The following NCBP1 variants were observed in gnomAD, a reference collection of about 807,000 sequenced individuals.
NCBP1 encodes the protein nuclear cap-binding protein subunit 1.
In NCBP1, 16 loss-of-function variants were observed where a neutral mutation model predicts 111.7. That is an observed-to-expected ratio of 0.14 (90% CI 0.10 to 0.22). The LOEUF (loss-of-function observed/expected upper bound fraction) is 0.22, where lower values mean the gene tolerates loss of function less well. Ranked by LOEUF, NCBP1 falls within the 10% of genes least tolerant of loss-of-function variation. The probability of loss-of-function intolerance (pLI) is 1.00; values close to 1 mark genes in which losing one functional copy is unlikely to be tolerated. For synonymous variants in NCBP1, 304 were observed against 314.3 expected (o/e 0.97, Z 0.35); for missense variants, 607 against 957.5 (o/e 0.63, Z 4.83).
At chr9:97,647,084 T>A (rs1473924440) in intron 6 of NCBP1, among the ~76,000 whole-genome samples, 1 of 152,158 alleles carries the variant, frequency 6.6e-6, no homozygotes, top group African/African-American at 2.4e-5. Flanking sequence ...ACGTTTAGGT[T>A]ATTTTCAATC....
chr9:97,670,339 C>T (rs1828151648), intron 22 of NCBP1, among the ~76,000 whole-genome samples: 1 of 152,194 alleles, frequency 6.6e-6, no homozygotes, highest in South Asian at 2.1e-4. Flanking sequence ...ATCCAATGTG[C>T]AGGTGGTAAA....
intron 2 of NCBP1, 132 bp downstream of exon 2, chr9:97,641,014 A>G: frequency 1.6e-6 from 1 of 607,764 alleles, no homozygotes; most frequent in East Asian, 3.0e-5. Flanking sequence ...TGTATCCCAA[A>G]TTGAATCCAT....
intron 6 of NCBP1, among the ~76,000 whole-genome samples, chr9:97,646,839 C>CAAAAAAAAAA (rs1199961668): frequency 1.8e-5 from 1 of 55,730 alleles, no homozygotes; most frequent in Non-Finnish European, 4.5e-5. Context: ...GACTCCGTCT[C>CAAAAAAAAAA]AAAAAAAAAA....
intron 12 of NCBP1, 92 bp from the exon 13 acceptor site, chr9:97,655,610 G>T (rs1412024995): frequency 3.8e-5 from 37 of 981,068 alleles, no homozygotes; most frequent in Non-Finnish European, 5.7e-5. Context: ...TGTAAAGTCG[G>T]GTTTTATCTG....
Position 97,645,213 on chromosome 9 carries a change from GA to G in NCBP1, c.479del (p.Asp160ValfsTer70), listed in dbSNP as rs1310453304. On this transcript the variant is annotated frameshift_variant, in exon 5 of 23. Transcript: ENST00000375147. LOFTEE classifies it high-confidence loss of function. ...ENFVSVTQEE[D>X]VPQVRRDWYV... ...TTTTGTAAGCGTAACTCAGGAAGAAGATGTACCTCAGGTAAGAGAACCCCTC... is the reference window on the plus strand; with the variant it reads ...TTTTGTAAGCGTAACTCAGGAAGAAGTGTACCTCAGGTAAGAGAACCCCTC... The G allele has an allele frequency of 6.2e-7, 1 of 1,611,924 alleles. No individual in the cohort carries two copies. The highest frequency in any genetic ancestry group is 2.2e-5 in the East Asian group (1 of 44,812).
Position 97,657,885 on chromosome 9 carries a change from G to GCTCTCTCTCTCTCT in NCBP1, c.1374-746_1374-733dup, listed in dbSNP as rs3052096. Reference sequence around the variant, plus strand: ...GTATGTACATGAGGAGCCCCGGTAAGCTCTCTCTCTCTCTCTCTCTCTATA... The same window carrying GCTCTCTCTCTCTCT: ...GTATGTACATGAGGAGCCCCGGTAAGCTCTCTCTCTCTCTCTCTCTCTCTCTCTCTCTCTCTATA... On this transcript the variant is annotated intron_variant, in intron 14 of 22. Coordinates refer to ENST00000375147, the MANE Select transcript of NCBP1 (RefSeq NM_002486.5). Among the ~76,000 whole-genome samples, 438 of 113,776 alleles carry GCTCTCTCTCTCTCT rather than the reference G, an allele frequency of 3.8e-3. 3 individuals carry two copies. Among genetic ancestry groups the GCTCTCTCTCTCTCT allele is most frequent in the African/African-American group, 0.015 (413 of 27,242 alleles). The allele number at this position is 113,776 out of a possible 152,430, so 74.6% of individuals were successfully genotyped here.
chr9:97,645,451 T>G (rs1827308053), intron 5 of NCBP1, among the ~76,000 whole-genome samples, 160 bp from the exon 6 acceptor site: 2 of 152,214 alleles, frequency 1.3e-5, no homozygotes, highest in African/African-American at 4.8e-5. Context: ...TGCTGTCTAG[T>G]AAGATTAGAA....
intron 1 of NCBP1, among the ~76,000 whole-genome samples, chr9:97,634,302 A>G (rs1337625883): frequency 3.9e-5 from 6 of 152,194 alleles, no homozygotes. Flanking sequence ...TGCACCTGAA[A>G]AGGGCTCGGA....
chr9:97,662,210 G>A (rs1827860093), intron 17 of NCBP1, 66 bp downstream of exon 17: 2 of 1,165,504 alleles, frequency 1.7e-6, no homozygotes, highest in Admixed American at 3.5e-5. Flanking sequence ...CAGTGGTATG[G>A]TAATTTTTAC....
Position 97,658,627 on chromosome 9 carries a change from A to G in NCBP1, c.1374-13A>G, listed in dbSNP as rs759430225. On this transcript the variant is annotated splice_polypyrimidine_tract_variant and intron_variant, in intron 14 of 22. Transcript: ENST00000375147. ...ATAAAAGATATTTTCTGAGGCTGTT[A>G]TTTGTATTGTAGGTTGTCTTACCAT... is the stretch of plus-strand genomic sequence containing the variant. 1.3e-6 allele frequency: 2 copies of G among 1,572,278 alleles called. No homozygotes were observed. The highest frequency in any genetic ancestry group is 1.8e-6 in the Non-Finnish European group (2 of 1,142,660).
rs1300585026 is a variant in NCBP1, at chr9:97,633,835, G to T, written c.-47G>T. On this transcript the variant is annotated 5_prime_UTR_variant, in exon 1 of 23. Coordinates refer to ENST00000375147, the MANE Select transcript of NCBP1 (RefSeq NM_002486.5). The stretch of plus-strand genomic sequence containing the variant: ...GGCCAGCGGCCAGACAGTTCCTGCA[G>T]CGCTTACCGCCTGGCCTCTCGGTTC... The T allele has an allele frequency of 1.3e-6, 2 of 1,557,118 alleles. No homozygotes were observed. The highest frequency in any genetic ancestry group is 1.4e-5 in the African/African-American group (1 of 73,494).
rs1011164264 is a variant in NCBP1, at chr9:97,673,645, A to G, written c.*2446A>G. On this transcript the variant is annotated 3_prime_UTR_variant, in exon 23 of 23. Coordinates refer to ENST00000375147, the MANE Select transcript of NCBP1 (RefSeq NM_002486.5). Reference sequence around the variant, plus strand: ...CAACAGTTGCTGTCCCCAGTAATGAAGTTCATACAGACAAAAGATGGCATG... The same window carrying G: ...CAACAGTTGCTGTCCCCAGTAATGAGGTTCATACAGACAAAAGATGGCATG... The G allele has an allele frequency of 4.1e-4, 62 of 152,230 alleles. No individual in the cohort carries two copies. The highest frequency in any genetic ancestry group is 1.4e-3 in the African/African-American group (56 of 41,448). 9.4% of individuals were successfully genotyped at this position (152,230 alleles called of 1,614,324 possible). A position where few individuals can be genotyped will look rare whatever the true frequency, so the allele number is the denominator to read the frequency against.
chr9:97,648,526 C>T (rs895313572), intron 8 of NCBP1, among the ~76,000 whole-genome samples: 3 of 152,046 alleles, frequency 2.0e-5, no homozygotes, highest in Non-Finnish European at 4.4e-5. Flanking sequence ...CAAATACTAG[C>T]TGTGTTAATT....
intron 16 of NCBP1, among the ~76,000 whole-genome samples, chr9:97,661,600 A>G (rs1827835767): frequency 6.6e-6 from 1 of 152,184 alleles, no homozygotes; most frequent in African/African-American, 2.4e-5. Context: ...GGTATTTATT[A>G]CTGGGATTTT....
intron 19 of NCBP1, among the ~76,000 whole-genome samples, chr9:97,665,218 C>T (rs766713561): frequency 2.6e-5 from 4 of 152,186 alleles, no homozygotes; most frequent in Non-Finnish European, 2.9e-5. Context: ...GTTGTCATAC[C>T]GGCCAGGTTG....
chr9:97,658,470 T>G (rs756061870), intron 14 of NCBP1, among the ~76,000 whole-genome samples, 170 bp from the exon 15 acceptor site: 5 of 152,182 alleles, frequency 3.3e-5, no homozygotes, highest in Admixed American at 2.6e-4. Context: ...ATGCCTGAGA[T>G]TTGGTGTGCT....
intron 1 of NCBP1, among the ~76,000 whole-genome samples, chr9:97,637,510 T>C (rs1827078607): frequency 1.3e-5 from 2 of 152,234 alleles, no homozygotes; most frequent in Admixed American, 1.3e-4. Context: ...TTAAGCTTCT[T>C]AGAATTAGGT....
intron 15 of NCBP1, among the ~76,000 whole-genome samples, chr9:97,659,481 G>A (rs917535189): frequency 6.6e-6 from 1 of 152,052 alleles, no homozygotes; most frequent in Non-Finnish European, 1.5e-5. Flanking sequence ...GAACTGTGTC[G>A]GTCCTGGTAC....
Position 97,648,288 on chromosome 9 carries a change from G to A in NCBP1, c.897+65G>A, listed in dbSNP as rs143709483. On this transcript the variant is annotated intron_variant, in intron 8 of 22. Transcript: ENST00000375147. ...TGCATTGTGCTTGTGGGTTAATCCC[G>A]CTTGAATTATGCCTGTGGTATGTTT... 5,560 of 1,428,406 alleles carry A rather than the reference G, an allele frequency of 3.9e-3. 22 individuals carry two copies. Among genetic ancestry groups the A allele is most frequent in the Non-Finnish European group, 3.9e-3 (3,945 of 1,020,910 alleles). The allele number at this position is 1,428,406 out of a possible 1,614,324, so 88.5% of individuals were successfully genotyped here.
Sources: gnomAD v4.1 joint callset for allele counts (sites outside exome capture counted in the v4.1 genomes callset) on GRCh38, gnomAD v4.1.1 for gene constraint, MANE v1.5 for transcripts, NCBI Gene and HGNC (gene_info 2026-07-23, HGNC 2026-07-21) for gene names.